PBX1: variants seen among roughly 807,000 people sequenced by gnomAD.
PBX1 encodes pre-B-cell leukemia transcription factor 1.
PBX1 carries 6 observed loss-of-function variants against 53.4 expected under a neutral mutation model. The ratio of observed to expected loss-of-function variants is 0.11; its 90% CI spans 0.06 to 0.22. The LOEUF (loss-of-function observed/expected upper bound fraction) is 0.22, where lower values mean the gene tolerates loss of function less well. PBX1 is among the 10% of genes least tolerant of loss of function. PBX1 has a pLI of 1.00. For synonymous variants in PBX1, 204 were observed against 212.3 expected (o/e 0.96, Z 0.34); for missense variants, 251 against 551.4 (o/e 0.46, Z 5.46).
At chr1:164,777,162 A>T (rs1463875855) in intron 2 of PBX1, among the ~76,000 whole-genome samples, 1 of 152,168 alleles carries the variant, frequency 6.6e-6, no homozygotes, top group Non-Finnish European at 1.5e-5. Context: ...GGGACTGGGC[A>T]TGGTGGCTCA....
At chr1:164,744,726 G>A (rs866684208) in intron 2 of PBX1, among the ~76,000 whole-genome samples, 8 of 152,190 alleles carry the variant, frequency 5.3e-5, no homozygotes, top group Admixed American at 1.3e-4. Flanking sequence ...GACTGCAGAC[G>A]TGGCCTCTGC....
Position 164,642,455 on chromosome 1 carries a change from A to G in PBX1, c.265+79144A>G, listed in dbSNP as rs79438371. 2.7e-3 allele frequency among the ~76,000 whole-genome samples: 405 copies of G among 152,312 alleles called. 4 individuals carry two copies. Among genetic ancestry groups the G allele is most frequent in the Non-Finnish European group, 3.8e-3 (256 of 68,032 alleles). On this transcript the variant is annotated intron_variant, in intron 2 of 8. Transcript: ENST00000420696. ...TTTTCATATGGAGAAGCATCCAACT[A>G]TGTCTCAATGGTTGATTAGGAGACC...
At chr1:164,619,893 G>T (rs541658223) in intron 2 of PBX1, among the ~76,000 whole-genome samples, 1 of 152,326 alleles carries the variant, frequency 6.6e-6, no homozygotes, top group South Asian at 2.1e-4. Context: ...TTCTTTGGAG[G>T]CCAGGCGCCG....
chr1:164,676,697 C>T (rs915253749), intron 2 of PBX1, among the ~76,000 whole-genome samples: 22 of 152,162 alleles, frequency 1.4e-4, no homozygotes, highest in Non-Finnish European at 2.6e-4. Flanking sequence ...AGCTAAGTGA[C>T]ATTGAAACTA....
At chr1:164,599,238 C>CT (rs907830956) in intron 2 of PBX1, among the ~76,000 whole-genome samples, 23 of 151,538 alleles carry the variant, frequency 1.5e-4, no homozygotes, top group African/African-American at 4.8e-4. Context: ...TTGTGTAATT[C>CT]TTTTTTTTTA....
intron 5 of PBX1, 151 bp downstream of exon 5, chr1:164,807,828 A>C (rs1475676273): frequency 3.5e-6 from 3 of 861,816 alleles, no homozygotes; most frequent in Non-Finnish European, 5.3e-6. Context: ...CTTGATGTGT[A>C]TGCGTATAAG....
intron 2 of PBX1, among the ~76,000 whole-genome samples, chr1:164,706,635 A>C (rs942591681): frequency 2.0e-5 from 3 of 152,114 alleles, no homozygotes; most frequent in African/African-American, 7.2e-5. Flanking sequence ...CATAGCCCCT[A>C]TTTGGTGAAC....
At chr1:164,870,235 T>C (rs1168947002) in intron 2 of PBX1, among the ~76,000 whole-genome samples, 3 of 47,598 alleles carry the variant, frequency 6.3e-5, no homozygotes, top group Non-Finnish European at 1.3e-4. Context: ...CCTTCCTTCC[T>C]TCCTTCCTTC....
At chr1:164,657,555 C>A (rs187474855) in intron 2 of PBX1, among the ~76,000 whole-genome samples, 2 of 152,248 alleles carry the variant, frequency 1.3e-5, no homozygotes, top group East Asian at 3.9e-4. Flanking sequence ...AGGACAGAAA[C>A]AAGGCTCAAA....
intron 2 of PBX1, among the ~76,000 whole-genome samples, chr1:164,786,793 A>G (rs1252929411): frequency 6.6e-6 from 1 of 151,834 alleles, no homozygotes; most frequent in African/African-American, 2.4e-5. Flanking sequence ...AAGGATTCAG[A>G]ACTCCAATAT....
At chr1:164,725,707 A>T (rs958662208) in intron 2 of PBX1, among the ~76,000 whole-genome samples, 1 of 152,074 alleles carries the variant, frequency 6.6e-6, no homozygotes, top group African/African-American at 2.4e-5. Context: ...CCCATACCAA[A>T]TGCATTTCAG....
intron 2 of PBX1, among the ~76,000 whole-genome samples, chr1:164,594,435 C>T (rs1315356528): frequency 6.6e-6 from 1 of 152,102 alleles, no homozygotes; most frequent in Non-Finnish European, 1.5e-5. Context: ...GCTGGGATTA[C>T]AGGCACCTGC....
chr1:164,674,914 T>C (rs1661349019), intron 2 of PBX1: 1 of 140,654 alleles, frequency 7.1e-6, no homozygotes, highest in Non-Finnish European at 1.5e-5. Flanking sequence ...TATGATTTTA[T>C]GGTAGCCGTG....
intron 8 of PBX1, among the ~76,000 whole-genome samples, chr1:164,841,223 G>A (rs1671274977): frequency 6.6e-6 from 1 of 152,150 alleles, no homozygotes; most frequent in African/African-American, 2.4e-5. Context: ...TTCAAATTCA[G>A]TCTTACAAAG....
intron 2 of PBX1, among the ~76,000 whole-genome samples, chr1:164,881,629 AAAAAGGGG>A (rs1400465006): frequency 1.2e-4 from 18 of 151,452 alleles, no homozygotes; most frequent in South Asian, 4.2e-4. Flanking sequence ...AGGAAGAAGA[AAAAAGGGG>A]AGGAAAAGTG....
chr1:164,716,335 C>T (rs1664079097), intron 2 of PBX1, among the ~76,000 whole-genome samples: 2 of 152,034 alleles, frequency 1.3e-5, no homozygotes, highest in African/African-American at 4.8e-5. Flanking sequence ...ATCCTTACCC[C>T]CTTGAAAAGA....
rs1661913770 is a variant in PBX1 at position 164,683,517 on chromosome 1, G to A, written c.266-108977G>A. Reference sequence around the variant, plus strand: ...GTGCCTTGCCTAAGATTACTTGGGTGGTGGTAGAACTGGTTTTCAAAACCA... The same window carrying A: ...GTGCCTTGCCTAAGATTACTTGGGTAGTGGTAGAACTGGTTTTCAAAACCA... On this transcript the variant is annotated intron_variant, in intron 2 of 8. Transcript: ENST00000420696. 2.6e-5 allele frequency: 4 copies of A among 152,150 alleles called. No individual in the cohort carries two copies. In the South Asian group the frequency reaches 8.3e-4, roughly 32 times the overall value. The allele number at this position is 152,150 out of a possible 1,614,324, so 9.4% of individuals were successfully genotyped here. A position where few individuals can be genotyped will look rare whatever the true frequency, so the allele number is the denominator to read the frequency against.
intron 2 of PBX1, among the ~76,000 whole-genome samples, chr1:164,881,485 G>C (rs1309143350): frequency 1.3e-5 from 2 of 151,130 alleles, no homozygotes; most frequent in Non-Finnish European, 1.5e-5. Context: ...CCTTGCCCTT[G>C]TGTACTCTCC....
intron 2 of PBX1, among the ~76,000 whole-genome samples, chr1:164,666,803 A>G (rs778439447): frequency 1.3e-5 from 2 of 152,152 alleles, no homozygotes; most frequent in Non-Finnish European, 2.9e-5. Context: ...ATAAATAATA[A>G]TTTACTACTT....
Sources: allele counts gnomAD v4.1 joint callset (sites outside exome capture counted in the v4.1 genomes callset), GRCh38; gene constraint gnomAD v4.1.1; transcripts MANE v1.5; gene names NCBI Gene and HGNC (gene_info 2026-07-23, HGNC 2026-07-21).